Variants in DNAJC1 observed in about 807,000 individuals in gnomAD.
DNAJC1 encodes DnaJ heat shock protein family (Hsp40) member C1, also known as dnaJ homolog subfamily C member 1.
In DNAJC1, 58 loss-of-function variants were observed where a neutral mutation model predicts 76.6. The ratio of observed to expected loss-of-function variants is 0.76; its 90% CI spans 0.61 to 0.94. DNAJC1 has a LOEUF of 0.94. Ranked by LOEUF, DNAJC1 falls within the 40% of genes least tolerant of loss-of-function variation. The pLI is 0.00. For synonymous variants in DNAJC1, 258 were observed against 267.9 expected, an observed-to-expected ratio of 0.96 and a Z score of 0.36; for missense variants, 689 against 677.3, an observed-to-expected ratio of 1.02 and a Z score of -0.19.
chr10:21,786,000 G>A (rs575034460), intron 9 of DNAJC1, among the ~76,000 whole-genome samples: 13 of 152,080 alleles, frequency 8.5e-5, no homozygotes, highest in Non-Finnish European at 1.5e-4. Flanking sequence ...TCCATTTAAC[G>A]TAGATCCACT....
chr10:21,959,128 T>G lies in DNAJC1; in HGVS notation c.223-29987A>C, dbSNP rs574595522. ...ACCAAGAAATCCAACATACTGAACT[T>G]TTTTCTTTTTTTCTGAGATGGAGTC... On this transcript the variant is annotated intron_variant, in intron 1 of 11. Coordinates refer to ENST00000376980, the MANE Select transcript of DNAJC1 (RefSeq NM_022365.4). 5.9e-5 allele frequency among the ~76,000 whole-genome samples: 9 copies of G among 151,982 alleles called. No individual in the cohort carries two copies. The East Asian group carries it at 1.8e-3, about 30-fold the overall frequency.
intron 11 of DNAJC1, among the ~76,000 whole-genome samples, chr10:21,757,767 G>A (rs976880766): frequency 2.0e-5 from 3 of 152,324 alleles, no homozygotes; most frequent in African/African-American, 4.8e-5. Context: ...CCCAGGCTCC[G>A]GGACAGCAGG....
chr10:21,891,897 T>C (rs1360598164), intron 7 of DNAJC1, among the ~76,000 whole-genome samples: 1 of 152,072 alleles, frequency 6.6e-6, no homozygotes, highest in Non-Finnish European at 1.5e-5. Flanking sequence ...AGAGTAAAAA[T>C]ATGAGTAAAC....
chr10:21,898,551 C>CA (rs1554895094), intron 7 of DNAJC1, among the ~76,000 whole-genome samples: 1 of 137,340 alleles, frequency 7.3e-6, no homozygotes, highest in Non-Finnish European at 1.6e-5. Flanking sequence ...CTATACTATA[C>CA]TTTTTTTTTT....
At chr10:21,874,846 T>C (rs1454990213) in intron 8 of DNAJC1, among the ~76,000 whole-genome samples, 1 of 152,160 alleles carries the variant, frequency 6.6e-6, no homozygotes, top group Non-Finnish European at 1.5e-5. Context: ...TCATATTTAA[T>C]AGTAACATGA....
intron 1 of DNAJC1, among the ~76,000 whole-genome samples, chr10:21,942,322 A>G (rs1333855568): frequency 6.6e-6 from 1 of 152,172 alleles, no homozygotes; most frequent in African/African-American, 2.4e-5. Context: ...AACACTCCAA[A>G]TTCATTCACA....
chr10:21,862,427 A>ATTT (rs535547596), intron 8 of DNAJC1, among the ~76,000 whole-genome samples: 1 of 131,884 alleles, frequency 7.6e-6, no homozygotes, highest in Non-Finnish European at 1.6e-5. Context: ...CTGTTACTAC[A>ATTT]TTTTTTTTTT....
chr10:21,986,143 C>T (rs541995746), intron 1 of DNAJC1, among the ~76,000 whole-genome samples: 16 of 152,102 alleles, frequency 1.1e-4, no homozygotes, highest in Non-Finnish European at 2.2e-4. Context: ...AGGAGAATGG[C>T]GTGAACCCGG....
intron 8 of DNAJC1, among the ~76,000 whole-genome samples, chr10:21,878,323 T>C (rs1836220494): frequency 6.6e-6 from 1 of 152,230 alleles, no homozygotes; most frequent in Non-Finnish European, 1.5e-5. Context: ...AAGCCAACAC[T>C]TGCAACACAT....
At chr10:21,921,442 G>T (rs1837040943) in intron 3 of DNAJC1, among the ~76,000 whole-genome samples, 1 of 151,930 alleles carries the variant, frequency 6.6e-6, no homozygotes, top group Non-Finnish European at 1.5e-5. Flanking sequence ...AACTACGGTG[G>T]CTCAAGGCTG....
At chr10:21,856,025 C>T (rs1207599020) in intron 8 of DNAJC1, among the ~76,000 whole-genome samples, 2 of 152,128 alleles carry the variant, frequency 1.3e-5, no homozygotes, top group Admixed American at 6.5e-5. Context: ...AAATAATCTA[C>T]ATAACTATTT....
chr10:21,797,405 C>A (rs372117194), intron 9 of DNAJC1, among the ~76,000 whole-genome samples: 2 of 152,184 alleles, frequency 1.3e-5, no homozygotes, highest in African/African-American at 4.8e-5. Flanking sequence ...ATTCTTCTTT[C>A]TCAAGGTTGT....
chr10:21,920,575 A>G (rs1239558150), intron 4 of DNAJC1: 4 of 350,052 alleles, frequency 1.1e-5, no homozygotes, highest in Non-Finnish European at 2.0e-5. Flanking sequence ...GGCTTTCACA[A>G]AGTTTTATAA....
intron 6 of DNAJC1, among the ~76,000 whole-genome samples, chr10:21,909,307 T>G (rs1301278048): frequency 6.6e-6 from 1 of 152,232 alleles, no homozygotes; most frequent in African/African-American, 2.4e-5. Context: ...TGTACGTAAT[T>G]ATAGAGCATA....
intron 9 of DNAJC1, chr10:21,803,658 T>C (rs1280282842): frequency 5.8e-6 from 1 of 171,074 alleles, no homozygotes; most frequent in Non-Finnish European, 1.2e-5. Context: ...CATATGCATG[T>C]GTTGGGGGAC....
Position 21,979,191 on chromosome 10 carries a change from T to C in DNAJC1, c.222+24022A>G, listed in dbSNP as rs1838111967. Among the ~76,000 whole-genome samples, 3 of 152,052 alleles carry C rather than the reference T, an allele frequency of 2.0e-5. No homozygotes were observed. In the South Asian group the frequency reaches 6.2e-4, roughly 31 times the overall value. On this transcript the variant is annotated intron_variant, in intron 1 of 11. Transcript: ENST00000376980. The stretch of plus-strand genomic sequence containing the variant: ...AGCTAGAAATCTATTAGACGTGCCT[T>C]CTATTAATATAAGTAGTAGCTGGTT...
chr10:21,913,297 T>C lies in DNAJC1; in HGVS notation c.729+5482A>G, dbSNP rs868732151. On this transcript the variant is annotated intron_variant, in intron 6 of 11. Coordinates refer to ENST00000376980, the MANE Select transcript of DNAJC1 (RefSeq NM_022365.4). ...ATGAGTCAGAGAGAAACTTGAATGG[T>C]GAATTCCTAGAAAAATCAAACAAAT... Among the ~76,000 whole-genome samples, 10 of 152,136 alleles carry C rather than the reference T, an allele frequency of 6.6e-5. No individual in the cohort carries two copies. The South Asian group carries it at 2.1e-3, about 32-fold the overall frequency.
intron 8 of DNAJC1, among the ~76,000 whole-genome samples, chr10:21,873,288 C>A (rs756121303): frequency 1.3e-5 from 2 of 152,090 alleles, no homozygotes; most frequent in Non-Finnish European, 1.5e-5. Context: ...TTCTTGCCTG[C>A]GGCTCATCCT....
At chr10:21,847,140 T>TCC (rs1395270164) in intron 8 of DNAJC1, among the ~76,000 whole-genome samples, 1 of 152,190 alleles carries the variant, frequency 6.6e-6, no homozygotes, top group East Asian at 1.9e-4. Flanking sequence ...TCACTTTGCA[T>TCC]CTATGCATTA....
Sources: gnomAD v4.1 joint callset for allele counts (sites outside exome capture counted in the v4.1 genomes callset) on GRCh38, gnomAD v4.1.1 for gene constraint, MANE v1.5 for transcripts, NCBI Gene and HGNC (gene_info 2026-07-23, HGNC 2026-07-21) for gene names.